The following MME variants were observed in gnomAD, a reference collection of about 807,000 sequenced individuals.
The protein encoded by MME is membrane metalloendopeptidase.
MME carries 98 observed loss-of-function variants against 113.2 expected under a neutral mutation model. The ratio of observed to expected loss-of-function variants is 0.87; its 90% CI spans 0.74 to 1.02. The LOEUF (loss-of-function observed/expected upper bound fraction) is 1.02. Among genes scored for constraint, MME ranks in the 50% least tolerant of loss-of-function variants. The probability of loss-of-function intolerance (pLI) is 0.00; values close to 1 mark genes in which losing one functional copy is unlikely to be tolerated. For missense variants in MME, 836 were observed against 896.0 expected (o/e 0.93, Z 0.86); for synonymous variants, 292 against 300.6 (o/e 0.97, Z 0.30).
chr3:155,116,752 A>G lies in MME; in HGVS notation c.528A>G (p.Gln176=). Residue 176 remains glutamine, a synonymous_variant, in exon 6 of 23, where the codon CAA becomes CAG. Transcript: ENST00000360490. ...CAGTAGCAACAGAAAACTGGGAGCAAAAATATGGTAAGGCAATTTTCCTAC... is the reference window on the plus strand; with the variant it reads ...CAGTAGCAACAGAAAACTGGGAGCAGAAATATGGTAAGGCAATTTTCCTAC... ...GWPVATENWE[Q]KYGASWTAEK... The G allele has an allele frequency of 6.2e-7, 1 of 1,613,310 alleles. No homozygotes were observed. The highest frequency in any genetic ancestry group is 1.1e-5 in the South Asian group (1 of 91,046).
At chr3:155,045,307 C>T (rs1474202522) in intron 1 of MME, among the ~76,000 whole-genome samples, 1 of 152,050 alleles carries the variant, frequency 6.6e-6, no homozygotes, top group African/African-American at 2.4e-5. Flanking sequence ...CCTGCCACCA[C>T]ACCTGGCTAA....
At chr3:155,076,365 C>A (rs1481514847), upstream of MME, among the ~76,000 whole-genome samples, 1 of 152,168 alleles carries the variant, frequency 6.6e-6, no homozygotes, top group African/African-American at 2.4e-5. Context: ...CTGGACTACA[C>A]TTTGTATGAA....
In MME at chr3:155,181,543, T is replaced by C. The variant is rs201916260; in HGVS notation, c.*1084T>C. On this transcript the variant is annotated 3_prime_UTR_variant, in exon 23 of 23. Coordinates refer to ENST00000360490, the MANE Select transcript of MME (RefSeq NM_007289.4). Reference sequence around the variant, plus strand: ...TGCATCTCCTGTCTTTTCAGGTTTGTCATCAGATGGAAATATTTTGATAAT... The same window carrying C: ...TGCATCTCCTGTCTTTTCAGGTTTGCCATCAGATGGAAATATTTTGATAAT... The C allele has an allele frequency of 2.0e-5, 3 of 152,168 alleles. No homozygotes were observed. Among genetic ancestry groups the C allele is most frequent in the Non-Finnish European group, 4.4e-5 (3 of 68,032 alleles). 9.4% of individuals were successfully genotyped at this position (152,168 alleles called of 1,614,324 possible). A position where few individuals can be genotyped will look rare whatever the true frequency, so the allele number is the denominator to read the frequency against.
At chr3:155,153,129 C>T (rs1175476265) in intron 16 of MME, among the ~76,000 whole-genome samples, 1 of 151,500 alleles carries the variant, frequency 6.6e-6, no homozygotes, top group African/African-American at 2.4e-5. Context: ...CAGGTTCAAG[C>T]GATTCTCCTG....
chr3:155,175,453 T>C (rs1302404930), intron 22 of MME, among the ~76,000 whole-genome samples: 1 of 151,984 alleles, frequency 6.6e-6, no homozygotes, highest in African/African-American at 2.4e-5. Flanking sequence ...ATTGACTTCA[T>C]TTTGGAAATC....
chr3:155,064,163 C>T (rs970655271), intron 1 of MME, among the ~76,000 whole-genome samples: 6 of 151,996 alleles, frequency 3.9e-5, no homozygotes, highest in Admixed American at 1.3e-4. Context: ...GGGGCAGGCA[C>T]CTGTAATCCC....
intron 1 of MME, among the ~76,000 whole-genome samples, chr3:155,045,359 G>T (rs909244446): frequency 1.3e-5 from 2 of 151,686 alleles, no homozygotes; most frequent in African/African-American, 2.4e-5. Context: ...CATGTTGGCC[G>T]GGATGGTCTC....
At chr3:155,027,179 T>C (rs977048902) in intron 1 of MME, among the ~76,000 whole-genome samples, 1 of 152,208 alleles carries the variant, frequency 6.6e-6, no homozygotes, top group African/African-American at 2.4e-5. Context: ...ATCTCTTCCT[T>C]GGACTCATTT....
At position 155,041,321 on chromosome 3, in the gene MME, T is replaced by G. The variant is rs552332824; in HGVS notation, c.-11+16997T>G. Reference sequence around the variant, plus strand: ...TCACTCTTGTTTAAATGCTTAAATATTCAGATGTGCTAGAATTTTACAACA... The same window carrying G: ...TCACTCTTGTTTAAATGCTTAAATAGTCAGATGTGCTAGAATTTTACAACA... On this transcript the variant is annotated intron_variant, in intron 1 of 22. Transcript: ENST00000492661. 1.9e-4 allele frequency among the ~76,000 whole-genome samples: 29 copies of G among 152,306 alleles called. No homozygotes were observed. The South Asian group carries it at 4.6e-3, about 24-fold the overall frequency.
At chr3:155,107,637 T>C (rs1418584525) in intron 3 of MME, among the ~76,000 whole-genome samples, 1 of 152,180 alleles carries the variant, frequency 6.6e-6, no homozygotes, top group Non-Finnish European at 1.5e-5. Context: ...TTGTGGATTC[T>C]CTGTTTGCTA....
At chr3:155,061,190 C>A (rs1003588411) in intron 1 of MME, among the ~76,000 whole-genome samples, 4 of 152,154 alleles carry the variant, frequency 2.6e-5, no homozygotes, top group Non-Finnish European at 5.9e-5. Context: ...CGGTGGCTCA[C>A]GCCTGTAATC....
chr3:155,147,577 C>G (rs1033085813), intron 15 of MME, among the ~76,000 whole-genome samples: 1 of 152,172 alleles, frequency 6.6e-6, no homozygotes, highest in East Asian at 1.9e-4. Flanking sequence ...CCTCCACCTT[C>G]TAAGTTTTCC....
At chr3:155,135,691 T>C (rs1720568167) in intron 8 of MME, among the ~76,000 whole-genome samples, 1 of 152,180 alleles carries the variant, frequency 6.6e-6, no homozygotes, top group Non-Finnish European at 1.5e-5. Flanking sequence ...GGTAGTTTGA[T>C]AAAAAGAGTG....
At chr3:155,161,565 C>T (rs971920930) in intron 17 of MME, among the ~76,000 whole-genome samples, 3 of 151,914 alleles carry the variant, frequency 2.0e-5, no homozygotes, top group Admixed American at 6.6e-5. Context: ...TTATACCTTT[C>T]CCCGTTGCTT....
At chr3:155,118,663 T>C in intron 7 of MME, 83 bp from the exon 8 acceptor site, 1 of 890,406 alleles carries the variant, frequency 1.1e-6, no homozygotes, top group East Asian at 2.6e-5. Flanking sequence ...ATCTTTCACA[T>C]ACATAGATAG....
intron 1 of MME, among the ~76,000 whole-genome samples, chr3:155,037,037 A>T (rs1236164016): frequency 3.3e-5 from 5 of 152,180 alleles, no homozygotes; most frequent in African/African-American, 1.2e-4. Context: ...TTGACCATAG[A>T]TGTCAAGGTG....
chr3:155,109,673 C>G (rs969473368), intron 3 of MME, among the ~76,000 whole-genome samples: 1 of 152,092 alleles, frequency 6.6e-6, no homozygotes, highest in Non-Finnish European at 1.5e-5. Flanking sequence ...TAGACCCACT[C>G]TAGAAAACCT....
intron 8 of MME, among the ~76,000 whole-genome samples, chr3:155,127,230 T>C (rs2108281623): frequency 6.6e-6 from 1 of 152,254 alleles, no homozygotes; most frequent in South Asian, 2.1e-4. Context: ...AGTCTGGAAG[T>C]AGGCAGGCCA....
At chr3:155,162,451 C>A (rs189478752) in intron 17 of MME, among the ~76,000 whole-genome samples, 1 of 152,222 alleles carries the variant, frequency 6.6e-6, no homozygotes, top group East Asian at 1.9e-4. Flanking sequence ...CAATAATCCT[C>A]TGGTAAATCA....
Sources: allele counts gnomAD v4.1 joint callset (sites outside exome capture counted in the v4.1 genomes callset), GRCh38; gene constraint gnomAD v4.1.1; transcripts MANE v1.5; gene names NCBI Gene and HGNC (gene_info 2026-07-23, HGNC 2026-07-21).